The following IRAG1 variants were observed in gnomAD, a reference collection of about 807,000 sequenced individuals.
IRAG1 encodes inositol 1,4,5-triphosphate receptor associated 1.
Under a neutral mutation model 106.2 loss-of-function variants are expected in IRAG1, and 62 were observed. That is an observed-to-expected ratio of 0.58 (90% CI 0.48 to 0.72). The LOEUF (loss-of-function observed/expected upper bound fraction) is 0.72. Among genes scored for constraint, IRAG1 ranks in the 30% least tolerant of loss-of-function variants. The pLI is 0.00. For synonymous variants in IRAG1, 462 were observed against 443.9 expected (o/e 1.04, Z -0.51); for missense variants, 1,064 against 1,140.7 (o/e 0.93, Z 0.97).
chr11:10,596,265 T>C (rs967730016), intron 15 of IRAG1, among the ~76,000 whole-genome samples: 33 of 152,360 alleles, frequency 2.2e-4, no homozygotes, highest in African/African-American at 7.7e-4. Context: ...TGTCTCCAAA[T>C]AGTCTTTACC....
At chr11:10,633,260 A>G (rs962240840) in intron 3 of IRAG1, among the ~76,000 whole-genome samples, 1 of 151,992 alleles carries the variant, frequency 6.6e-6, no homozygotes, top group Non-Finnish European at 1.5e-5. Context: ...TATTTGTAGT[A>G]GAGACGTGGT....
chr11:10,628,949 G>A lies in IRAG1; in HGVS notation c.575-121C>T. ...TGGGTCTGCCTTGCTGGGCTCAGGG[G>A]CTGATGCTGGACTGCAATATGATGC... is the stretch of plus-strand genomic sequence containing the variant. On this transcript the variant is annotated intron_variant, in intron 5 of 20. Transcript: ENST00000423302. The surrounding 1 kb of genome is among the most constrained non-coding windows in gnomAD (Gnocchi z 4.1). The A allele has an allele frequency of 1.1e-6, 1 of 893,692 alleles. No homozygotes were observed. The highest frequency in any genetic ancestry group is 1.7e-6 in the Non-Finnish European group (1 of 581,404). The allele number at this position is 893,692 out of a possible 1,614,324, so 55.4% of individuals were successfully genotyped here.
rs187420316 is a variant in IRAG1 at position 10,574,620 on chromosome 11, T to C, written c.*1712A>G. 1 of 152,280 alleles carries C rather than the reference T, an allele frequency of 6.6e-6. No homozygotes were observed. Among genetic ancestry groups the C allele is most frequent in the Admixed American group, 6.5e-5 (1 of 15,284 alleles). The allele number at this position is 152,280 out of a possible 1,614,324, so 9.4% of individuals were successfully genotyped here. ...TGGAGGGGATAATTTTTGCACTCGG[T>C]CGAGAAGAGTGACCTGAAGAAAAGA... is the stretch of plus-strand genomic sequence containing the variant. On this transcript the variant is annotated 3_prime_UTR_variant, in exon 21 of 21. Transcript: ENST00000423302.
intron 18 of IRAG1, among the ~76,000 whole-genome samples, chr11:10,584,554 T>C (rs1403364683): frequency 1.1e-5 from 1 of 93,344 alleles, no homozygotes; most frequent in African/African-American, 9.0e-5. Flanking sequence ...ATGAAATATA[T>C]ATATATATAT....
At chr11:10,641,222 T>C (rs940943479) in intron 2 of IRAG1, among the ~76,000 whole-genome samples, 7 of 152,224 alleles carry the variant, frequency 4.6e-5, no homozygotes, top group Admixed American at 1.3e-4. Flanking sequence ...CCTGTGGAAG[T>C]GCACCTAGCA....
In IRAG1 at chr11:10,665,870, T is replaced by C. The variant is rs1040401422; in HGVS notation, c.68-13688A>G. Among the ~76,000 whole-genome samples, 2 of 152,224 alleles carry C rather than the reference T, an allele frequency of 1.3e-5. No individual in the cohort carries two copies. Among genetic ancestry groups the C allele is most frequent in the African/African-American group, 4.8e-5 (2 of 41,452 alleles). On this transcript the variant is annotated intron_variant, in intron 1 of 20. Coordinates refer to ENST00000423302, the MANE Select transcript of IRAG1 (RefSeq NM_130385.4). This position sits in a 1 kb window ranked among gnomAD's most constrained non-coding sequence, Gnocchi z 4.2. ...AAGTAAAAGTGAGCAGTCCCTTGGT[T>C]ATCCAGATGTATGCAAACAGCTGCA...
intron 12 of IRAG1, 43 bp downstream of exon 12, chr11:10,606,699 C>T: frequency 5.1e-6 from 8 of 1,570,668 alleles, no homozygotes; most frequent in Non-Finnish European, 6.9e-6. Flanking sequence ...TAAGCCCAGT[C>T]AAGCACGGGC....
intron 18 of IRAG1, among the ~76,000 whole-genome samples, chr11:10,590,802 A>G (rs1852556673): frequency 6.6e-6 from 1 of 152,162 alleles, no homozygotes; most frequent in Non-Finnish European, 1.5e-5. Flanking sequence ...CTAATCCAAT[A>G]TGCATTTTCC....
At chr11:10,581,728 A>C (rs1404062361) in intron 19 of IRAG1, 139 bp downstream of exon 19, 28 of 1,027,816 alleles carry the variant, frequency 2.7e-5, no homozygotes, top group Non-Finnish European at 3.3e-5. Flanking sequence ...GCTCTTTCCT[A>C]TGTAGTTCCT....
Position 10,647,516 on chromosome 11 carries a change from A to C in IRAG1, c.225+4509T>G, listed in dbSNP as rs1858059855. On this transcript the variant is annotated intron_variant, in intron 2 of 20. Transcript: ENST00000423302. The surrounding 1 kb of genome is among the most constrained non-coding windows in gnomAD (Gnocchi z 4.3). ...TGATATGAAGAGGTGAAGTCTGCTT[A>C]TGAGTTCACACTGACCTGCCCCTGG... 6.6e-6 allele frequency among the ~76,000 whole-genome samples: 1 copy of C among 152,186 alleles called. No individual in the cohort carries two copies. The highest frequency in any genetic ancestry group is 1.5e-5 in the Non-Finnish European group (1 of 68,036).
At chr11:10,666,539 C>T (rs1229759521) in intron 1 of IRAG1, among the ~76,000 whole-genome samples, 1 of 152,194 alleles carries the variant, frequency 6.6e-6, no homozygotes, top group Non-Finnish European at 1.5e-5. Context: ...TAAGGCTTCA[C>T]CAGTTTGTCA....
chr11:10,627,608 C>T (rs919023753), intron 8 of IRAG1, 108 bp downstream of exon 8: 53 of 1,145,394 alleles, frequency 4.6e-5, no homozygotes, highest in African/African-American at 7.6e-5. Flanking sequence ...TCCACTCATA[C>T]GTGTGCATGC....
At chr11:10,671,956 T>C (rs1040982166) in intron 1 of IRAG1, among the ~76,000 whole-genome samples, 5 of 152,098 alleles carry the variant, frequency 3.3e-5, no homozygotes, top group African/African-American at 1.2e-4. Context: ...AAACTTACTA[T>C]AAAACTATCG....
At chr11:10,604,577 G>A (rs1591593809) in intron 12 of IRAG1, 32 bp from the exon 13 acceptor site, 2 of 1,613,716 alleles carry the variant, frequency 1.2e-6, no homozygotes, top group East Asian at 4.5e-5. Context: ...GAGAGGTGCT[G>A]GGAGGAGTTA....
At chr11:10,643,391 C>T (rs1857694198) in intron 2 of IRAG1, among the ~76,000 whole-genome samples, 1 of 152,138 alleles carries the variant, frequency 6.6e-6, no homozygotes, top group African/African-American at 2.4e-5. Flanking sequence ...GCACCAAGGG[C>T]CTGCTCTGCC....
intron 1 of IRAG1, among the ~76,000 whole-genome samples, chr11:10,675,044 C>T (rs1479684017): frequency 6.6e-6 from 1 of 152,220 alleles, no homozygotes; most frequent in African/African-American, 2.4e-5. Context: ...GAATGGGCAC[C>T]GCCCTGCAGA....
At chr11:10,641,588 C>T (rs1378112409) in intron 2 of IRAG1, among the ~76,000 whole-genome samples, 1 of 152,188 alleles carries the variant, frequency 6.6e-6, no homozygotes, top group Non-Finnish European at 1.5e-5. Context: ...GGCAGTTACT[C>T]AGGCCCACTG....
chr11:10,680,368 AGAAGGAAG>A (rs1554935659), intron 1 of IRAG1, among the ~76,000 whole-genome samples: 2 of 80,960 alleles, frequency 2.5e-5, no homozygotes, highest in Non-Finnish European at 4.5e-5. Context: ...AAAGAAAGAA[AGAAGGAAG>A]GAAGGAAGGA....
chr11:10,662,239 T>A (rs142935602), intron 1 of IRAG1, among the ~76,000 whole-genome samples: 74 of 152,244 alleles, frequency 4.9e-4, no homozygotes, highest in Non-Finnish European at 9.0e-4. Context: ...AAACCCCATC[T>A]CTACTAAAAA....
Sources: allele counts gnomAD v4.1 joint callset (sites outside exome capture counted in the v4.1 genomes callset), GRCh38; gene constraint gnomAD v4.1.1; non-coding constraint Gnocchi (gnomAD v3.1); transcripts MANE v1.5; gene names NCBI Gene and HGNC (gene_info 2026-07-23, HGNC 2026-07-21).